HECW1: variants seen among roughly 807,000 people sequenced by gnomAD.
HECW1 encodes the protein E3 ubiquitin-protein ligase HECW1.
A neutral mutation model predicts 182.3 loss-of-function variants in HECW1; 61 were observed. The ratio of observed to expected loss-of-function variants is 0.33; its 90% confidence interval spans 0.27 to 0.41. The LOEUF (loss-of-function observed/expected upper bound fraction) is 0.41. Ranked by LOEUF, HECW1 falls within the 10% of genes least tolerant of loss-of-function variation. HECW1 has a pLI of 1.00. For missense variants in HECW1, 1,739 were observed against 2,108.9 expected, an observed-to-expected ratio of 0.82 and a Z score of 3.44; for synonymous variants, 859 against 832.6, an observed-to-expected ratio of 1.03 and a Z score of -0.55.
chr7:43,293,231 A>AAG (rs1805633771), intron 3 of HECW1, among the ~76,000 whole-genome samples: 1 of 151,154 alleles, frequency 6.6e-6, no homozygotes, highest in African/African-American at 2.5e-5. Context: ...AAAAAAAAAA[A>AAG]AAAAAGAAAA....
At chr7:43,508,266 C>T (rs2079677650) in intron 23 of HECW1, 135 bp downstream of exon 23, 6 of 586,052 alleles carry the variant, frequency 1.0e-5, no homozygotes, top group Non-Finnish European at 1.5e-5. Context: ...CACATTCTCC[C>T]AGGAGGTCCT....
At chr7:43,329,776 T>G (rs560311105) in intron 5 of HECW1, among the ~76,000 whole-genome samples, 1 of 152,248 alleles carries the variant, frequency 6.6e-6, no homozygotes, top group South Asian at 2.1e-4. Flanking sequence ...AAGCAACTGC[T>G]GTGTGAAGTG....
chr7:43,425,548 T>C (rs1415962614), intron 8 of HECW1, among the ~76,000 whole-genome samples: 1 of 152,154 alleles, frequency 6.6e-6, no homozygotes, highest in East Asian at 1.9e-4. Context: ...ATTGTCTTGG[T>C]TCATTTTCTG....
At chr7:43,391,845 T>C (rs773602111) in intron 6 of HECW1, among the ~76,000 whole-genome samples, 5 of 152,216 alleles carry the variant, frequency 3.3e-5, no homozygotes, top group Admixed American at 2.0e-4. Flanking sequence ...CTCAGAGATT[T>C]GGAGGTGGAA....
At chr7:43,369,498 T>C (rs905795035) in intron 6 of HECW1, among the ~76,000 whole-genome samples, 88 of 152,178 alleles carry the variant, frequency 5.8e-4, no homozygotes, top group African/African-American at 2.0e-3. Flanking sequence ...AATTTGACAG[T>C]CTTGGTACTG....
At chr7:43,201,469 G>A (rs1795009630) in intron 2 of HECW1, among the ~76,000 whole-genome samples, 1 of 152,178 alleles carries the variant, frequency 6.6e-6, no homozygotes, top group Admixed American at 6.5e-5. Context: ...ACGCTCAATG[G>A]GATGCTAGGG....
chr7:43,393,895 T>A (rs181367701), intron 6 of HECW1, among the ~76,000 whole-genome samples: 117 of 152,280 alleles, frequency 7.7e-4, no homozygotes, highest in Admixed American at 1.2e-3. Context: ...CCTATACTTT[T>A]AAAAAATATA....
intron 3 of HECW1, chr7:43,311,497 G>C (rs181606915): frequency 4.4e-5 from 29 of 660,448 alleles, no homozygotes; most frequent in Admixed American, 9.1e-5. Flanking sequence ...AAGTGGGTTA[G>C]AGCCGGGAGA....
intron 3 of HECW1, among the ~76,000 whole-genome samples, chr7:43,264,713 G>A (rs749567001): frequency 9.9e-5 from 15 of 151,828 alleles, no homozygotes; most frequent in Admixed American, 2.6e-4. Flanking sequence ...GTGTGGTGGC[G>A]GGCACCTGTA....
intron 7 of HECW1, among the ~76,000 whole-genome samples, chr7:43,404,844 T>C (rs1167931852): frequency 6.6e-6 from 1 of 152,038 alleles, no homozygotes; most frequent in East Asian, 1.9e-4. Context: ...GGGGTGGTGG[T>C]GAGTACCTGT....
At position 43,241,616 on chromosome 7, in the gene HECW1, ATGTGTGTGTGTGTGTGTGTGTGTGTG is replaced by A. The variant is rs57645139; in HGVS notation, c.-31-2239_-31-2214del. 3.3e-5 allele frequency: 4 copies of A among 122,166 alleles called. No homozygotes were observed. The East Asian group carries it at 7.4e-4, about 23-fold the overall frequency. The allele number at this position is 122,166 out of a possible 1,614,324, so 7.6% of individuals were successfully genotyped here. A position where few individuals can be genotyped will look rare whatever the true frequency, so the allele number is the denominator to read the frequency against. Reference sequence around the variant, plus strand: ...CCTCTTCTTTTTACTCTCCTAATGTATGTGTGTGTGTGTGTGTGTGTGTGTGTGTGTGTGTGTGTGTGTGTTTAATT... The same window carrying A: ...CCTCTTCTTTTTACTCTCCTAATGTATGTGTGTGTGTGTGTGTGTTTAATT... On this transcript the variant is annotated intron_variant, in intron 2 of 29. Coordinates refer to ENST00000395891, the MANE Select transcript of HECW1 (RefSeq NM_015052.5).
chr7:43,197,453 T>G (rs945886163), intron 2 of HECW1, among the ~76,000 whole-genome samples: 1 of 152,196 alleles, frequency 6.6e-6, no homozygotes, highest in African/African-American at 2.4e-5. Context: ...AAGCGATGCG[T>G]CCTGGGTGGA....
chr7:43,290,607 G>C (rs1805278398), intron 3 of HECW1, among the ~76,000 whole-genome samples: 1 of 152,166 alleles, frequency 6.6e-6, no homozygotes, highest in African/African-American at 2.4e-5. Flanking sequence ...GGTCATCCTG[G>C]CCAAGAGGGG....
intron 2 of HECW1, among the ~76,000 whole-genome samples, chr7:43,197,770 C>A (rs1794606573): frequency 6.6e-6 from 1 of 152,068 alleles, no homozygotes; most frequent in Non-Finnish European, 1.5e-5. Context: ...GGCAACATAA[C>A]CGTGGCCCCA....
chr7:43,445,351 A>G lies in HECW1; in HGVS notation c.2179A>G (p.Ile727Val), dbSNP rs1406543459. ...TRFSSVDSAK[I>V]SESTVFSSQD... Reference sequence around the variant, plus strand: ...CTTCTCCTCCGTGGACAGCGCCAAGATCTCCGAGAGCACGGTCTTCTCCTC... The same window carrying G: ...CTTCTCCTCCGTGGACAGCGCCAAGGTCTCCGAGAGCACGGTCTTCTCCTC... The change falls in exon 11 of 30, where the codon ATC (isoleucine) becomes GTC (valine). Residue 727 changes from isoleucine to valine, a missense_variant. Ile to Val is a conservative substitution (Grantham distance 29, BLOSUM62 3). Around this residue, in one of 5 missense-constraint regions of HECW1, gnomAD observed 971 missense variants for 1,029.1 expected, o/e 0.94. Coordinates refer to ENST00000395891, the MANE Select transcript of HECW1 (RefSeq NM_015052.5). 1.2e-6 allele frequency: 2 copies of G among 1,613,698 alleles called. No individual in the cohort carries two copies. The highest frequency in any genetic ancestry group is 1.7e-6 in the Non-Finnish European group (2 of 1,179,998).
At chr7:43,470,206 G>A (rs1374676440) in intron 16 of HECW1, among the ~76,000 whole-genome samples, 1 of 152,178 alleles carries the variant, frequency 6.6e-6, no homozygotes, top group Non-Finnish European at 1.5e-5. Flanking sequence ...ACAATGATTT[G>A]TATGTGGGGA....
rs181205428 is a variant in HECW1 at position 43,152,033 on chromosome 7, A to G, written c.-32+37642A>G. Among the ~76,000 whole-genome samples the G allele has an allele frequency of 6.0e-4, 92 of 152,366 alleles. 1 individual carries two copies. The highest frequency in any genetic ancestry group is 2.1e-3 in the African/African-American group (87 of 41,594). ...GAGAGATCAACCTAAAGTGTCATCA[A>G]ACAGCTCATTTACCACACTAATTGC... On this transcript the variant is annotated intron_variant, in intron 2 of 29. Transcript: ENST00000395891.
intron 24 of HECW1, among the ~76,000 whole-genome samples, chr7:43,528,139 A>G (rs1361575549): frequency 6.6e-6 from 1 of 152,224 alleles, no homozygotes; most frequent in African/African-American, 2.4e-5. Context: ...CTAAATGCAC[A>G]TCGTTTTTGC....
intron 2 of HECW1, among the ~76,000 whole-genome samples, chr7:43,134,429 T>A (rs1056158679): frequency 7.3e-4 from 111 of 151,930 alleles, no homozygotes; most frequent in African/African-American, 2.6e-3. Context: ...TAAATGTGTT[T>A]TAAAATATGA....
Sources: gnomAD v4.1 joint callset for allele counts (sites outside exome capture counted in the v4.1 genomes callset) on GRCh38, gnomAD v4.1.1 for gene constraint, gnomAD v4.1.1 regional missense constraint, MANE v1.5 for transcripts, NCBI Gene and HGNC (gene_info 2026-07-23, HGNC 2026-07-21) for gene names.